Variants in SCML4 observed in about 807,000 individuals in gnomAD.
SCML4 encodes the protein Scm polycomb group protein like 4.
A neutral mutation model predicts 41.1 loss-of-function variants in SCML4; 34 were observed. The ratio of observed to expected loss-of-function variants is 0.83; its 90% CI spans 0.63 to 1.10. The LOEUF (loss-of-function observed/expected upper bound fraction) is 1.10, where lower values mean the gene tolerates loss of function less well. Among genes scored for constraint, SCML4 ranks in the 50% least tolerant of loss-of-function variants. SCML4 has a pLI of 0.00. For missense variants in SCML4, 522 were observed against 534.1 expected, an observed-to-expected ratio of 0.98 and a Z score of 0.22; for synonymous variants, 214 against 220.9, an observed-to-expected ratio of 0.97 and a Z score of 0.28.
At chr6:107,755,564 C>A in intron 2 of SCML4, 1 of 1,314,616 alleles carries the variant, frequency 7.6e-7, no homozygotes, top group South Asian at 1.3e-5. Flanking sequence ...AGTCCATCAG[C>A]ACAAACCTCT....
intron 1 of SCML4, among the ~76,000 whole-genome samples, chr6:107,794,222 C>T (rs1017718478): frequency 1.3e-5 from 2 of 152,186 alleles, no homozygotes; most frequent in Admixed American, 1.3e-4. Flanking sequence ...TTGGTTTGCA[C>T]TGGATTGGAT....
chr6:107,728,247 G>A (rs546300870), intron 5 of SCML4, among the ~76,000 whole-genome samples: 1 of 152,326 alleles, frequency 6.6e-6, no homozygotes, highest in African/African-American at 2.4e-5. Context: ...AGACGCAGAT[G>A]GCAGATCATT....
At chr6:107,716,470 C>T (rs773260501) in intron 6 of SCML4, among the ~76,000 whole-genome samples, 6 of 152,220 alleles carry the variant, frequency 3.9e-5, no homozygotes, top group Admixed American at 1.3e-4. Context: ...TATAATAAGT[C>T]GGAAACTGTC....
intron 1 of SCML4, among the ~76,000 whole-genome samples, chr6:107,775,950 G>A (rs1024858973): frequency 4.6e-5 from 7 of 151,966 alleles, no homozygotes; most frequent in East Asian, 3.9e-4. Flanking sequence ...GACAACTGGC[G>A]TTTAGAAATA....
intron 2 of SCML4, among the ~76,000 whole-genome samples, chr6:107,771,011 A>G (rs551211614): frequency 1.3e-5 from 2 of 152,334 alleles, no homozygotes; most frequent in East Asian, 3.9e-4. Context: ...TGGCATGCAC[A>G]TGAAAGAAAG....
intron 1 of SCML4, among the ~76,000 whole-genome samples, chr6:107,823,114 C>A (rs547190888): frequency 6.6e-6 from 1 of 152,114 alleles, no homozygotes; most frequent in East Asian, 1.9e-4. Flanking sequence ...AACAAATACC[C>A]TGATTCTGAA....
chr6:107,705,590 A>G (rs867848191), intron 7 of SCML4, among the ~76,000 whole-genome samples: 1 of 152,196 alleles, frequency 6.6e-6, no homozygotes, highest in Non-Finnish European at 1.5e-5. Flanking sequence ...GGAATCAAAC[A>G]CAACCTCATG....
chr6:107,736,367 C>A (rs879441042), intron 5 of SCML4, among the ~76,000 whole-genome samples: 8 of 152,196 alleles, frequency 5.3e-5, no homozygotes, highest in Non-Finnish European at 1.2e-4. Flanking sequence ...CAGGGATGCA[C>A]ACCCCACGCA....
At chr6:107,756,536 T>G (rs1231651614) in intron 2 of SCML4, among the ~76,000 whole-genome samples, 2 of 152,194 alleles carry the variant, frequency 1.3e-5, no homozygotes, top group East Asian at 3.8e-4. Flanking sequence ...CTAAATGTTA[T>G]GTAGTATCTT....
At chr6:107,714,564 C>T (rs1204774711) in intron 6 of SCML4, among the ~76,000 whole-genome samples, 1 of 152,162 alleles carries the variant, frequency 6.6e-6, no homozygotes, top group Non-Finnish European at 1.5e-5. Flanking sequence ...GAGTTGCAAA[C>T]CCTCAGAGAA....
At chr6:107,734,206 A>C (rs1450717997) in intron 5 of SCML4, among the ~76,000 whole-genome samples, 1 of 152,194 alleles carries the variant, frequency 6.6e-6, no homozygotes, top group Non-Finnish European at 1.5e-5. Flanking sequence ...TACCACCAGC[A>C]TCATTCTACT....
intron 5 of SCML4, among the ~76,000 whole-genome samples, chr6:107,733,882 A>C (rs1268112147): frequency 6.6e-6 from 1 of 152,238 alleles, no homozygotes; most frequent in Non-Finnish European, 1.5e-5. Context: ...CAGAAACAGA[A>C]CATCTTCTGC....
At position 107,772,194 on chromosome 6, in the gene SCML4, C is replaced by G. The variant is rs1780575732; in HGVS notation, c.134G>C (p.Arg45Thr). 6.4e-7 allele frequency: 1 copy of G among 1,551,002 alleles called. No homozygotes were observed. Among genetic ancestry groups the G allele is most frequent in the Non-Finnish European group, 8.7e-7 (1 of 1,146,810 alleles). The stretch of plus-strand genomic sequence containing the variant: ...TACCTTGTACCCGGGTTTCCGCCCT[C>G]TTTTCTTTGGGATCTTCACTGCTGG... ...SLPAVKIPKK[R>T]GRKPGYKIKS... is the part of the protein sequence containing the mutation. Residue 45 changes from arginine (R) to threonine (T), a missense_variant, in exon 2 of 8, where the codon AGA (arginine) becomes ACA (threonine). Coordinates refer to ENST00000369020, the MANE Select transcript of SCML4 (RefSeq NM_198081.5).
chr6:107,793,920 C>T (rs1782525693), intron 1 of SCML4, among the ~76,000 whole-genome samples: 1 of 152,144 alleles, frequency 6.6e-6, no homozygotes, highest in Non-Finnish European at 1.5e-5. Flanking sequence ...GCCTGGGCGA[C>T]AGAGTGTGAG....
the SCML4 span, among the ~76,000 whole-genome samples, chr6:107,841,488 G>A: frequency 1.3e-5 from 2 of 152,168 alleles, no homozygotes; most frequent in African/African-American, 2.4e-5. Context: ...ACAGATAGAA[G>A]CAAAAACACT....
chr6:107,828,406 C>T (rs1583694730), upstream of SCML4, among the ~76,000 whole-genome samples: 1 of 152,198 alleles, frequency 6.6e-6, no homozygotes, highest in Non-Finnish European at 1.5e-5. Flanking sequence ...CTCAAAACAT[C>T]GGTCTGCTGA....
chr6:107,824,357 T>A (rs1414025430), upstream of SCML4: 1 of 152,156 alleles, frequency 6.6e-6, no homozygotes, highest in Non-Finnish European at 1.5e-5. Context: ...GCTACAGCAA[T>A]GAATTTCCAT....
chr6:107,742,621 G>A (rs1777686039), intron 5 of SCML4, among the ~76,000 whole-genome samples: 1 of 152,034 alleles, frequency 6.6e-6, no homozygotes, highest in Admixed American at 6.6e-5. Context: ...AACCATATAG[G>A]CCAGGAGGGA....
rs1781587574 is a variant in SCML4 at position 107,782,531 on chromosome 6, C to CTT, written c.-59-10146_-59-10145insAA. Reference sequence around the variant, plus strand: ...TTGCACGTGGGGCCCTGGGCTGTTTCCCTCAGCTGCATTTCTTACTCTTCT... The same window carrying CTT: ...TTGCACGTGGGGCCCTGGGCTGTTTCTTCCTCAGCTGCATTTCTTACTCTTCT... On this transcript the variant is annotated intron_variant, in intron 1 of 7. Coordinates refer to ENST00000369020, the MANE Select transcript of SCML4 (RefSeq NM_198081.5). 2.6e-5 allele frequency among the ~76,000 whole-genome samples: 4 copies of CTT among 152,378 alleles called. No individual in the cohort carries two copies. The South Asian group carries it at 8.3e-4, about 32-fold the overall frequency.
Sources: gnomAD v4.1 joint callset for allele counts (sites outside exome capture counted in the v4.1 genomes callset) on GRCh38, gnomAD v4.1.1 for gene constraint, MANE v1.5 for transcripts, NCBI Gene and HGNC (gene_info 2026-07-23, HGNC 2026-07-21) for gene names.